SAMD4A: variants seen among roughly 807,000 people sequenced by gnomAD.
SAMD4A encodes sterile alpha motif domain containing 4A, also known as protein Smaug homolog 1.
In SAMD4A, 33 loss-of-function variants were observed where a neutral mutation model predicts 81.3. That is an observed-to-expected ratio of 0.41 (90% CI 0.31 to 0.54). SAMD4A has a LOEUF of 0.54. Ranked by LOEUF, SAMD4A falls within the 20% of genes least tolerant of loss-of-function variation. SAMD4A has a pLI of 0.37. For synonymous variants in SAMD4A, 389 were observed against 382.1 expected (o/e 1.02, Z -0.21); for missense variants, 854 against 951.1 (o/e 0.90, Z 1.34).
intron 2 of SAMD4A, among the ~76,000 whole-genome samples, chr14:54,581,102 A>G (rs961750697): frequency 3.9e-5 from 6 of 152,236 alleles, no homozygotes; most frequent in African/African-American, 1.4e-4. Context: ...TTACCTTGTA[A>G]AAATTATTTA....
intron 2 of SAMD4A, among the ~76,000 whole-genome samples, chr14:54,575,480 C>G (rs1438523817): frequency 6.6e-6 from 1 of 152,166 alleles, no homozygotes; most frequent in African/African-American, 2.4e-5. Context: ...ACATGCAGAG[C>G]AAAGCAAATC....
intron 2 of SAMD4A, among the ~76,000 whole-genome samples, chr14:54,606,351 G>A (rs191720478): frequency 3.7e-4 from 56 of 152,306 alleles, no homozygotes; most frequent in Middle Eastern, 3.4e-3. Context: ...TCACAGATTC[G>A]TATGGCATTG....
intron 8 of SAMD4A, among the ~76,000 whole-genome samples, chr14:54,767,432 C>A (rs1366260690): frequency 1.3e-5 from 2 of 152,234 alleles, no homozygotes; most frequent in African/African-American, 4.8e-5. Flanking sequence ...AATTTTACTT[C>A]TGAGACCAGT....
intron 2 of SAMD4A, among the ~76,000 whole-genome samples, chr14:54,598,674 G>A (rs1401100399): frequency 6.6e-6 from 1 of 152,006 alleles, no homozygotes; most frequent in Non-Finnish European, 1.5e-5. Flanking sequence ...TGGTTTTAAA[G>A]GAAACATAAG....
At chr14:54,704,374 G>A (rs2036799175) in intron 3 of SAMD4A, among the ~76,000 whole-genome samples, 1 of 151,998 alleles carries the variant, frequency 6.6e-6, no homozygotes. Context: ...CTTAAAACTT[G>A]GTCTTTTGTA....
intron 2 of SAMD4A, chr14:54,682,102 G>C: frequency 4.1e-6 from 4 of 971,544 alleles, no homozygotes; most frequent in Non-Finnish European, 4.9e-6. Flanking sequence ...CCGGATCCCT[G>C]TTCTTATCCC....
chr14:54,633,142 T>C (rs2034944330), intron 2 of SAMD4A, among the ~76,000 whole-genome samples: 1 of 152,142 alleles, frequency 6.6e-6, no homozygotes, highest in South Asian at 2.1e-4. Flanking sequence ...CTAACCATAA[T>C]GTATAAGGGT....
chr14:54,680,093 T>G (rs2036094794), intron 2 of SAMD4A, among the ~76,000 whole-genome samples: 1 of 152,220 alleles, frequency 6.6e-6, no homozygotes, highest in Admixed American at 6.5e-5. Flanking sequence ...CCCCCACCAT[T>G]TATTCCCTTG....
At chr14:54,775,168 C>G (rs778341753) in intron 10 of SAMD4A, 33 bp downstream of exon 10, 1 of 1,612,914 alleles carries the variant, frequency 6.2e-7, no homozygotes, top group Non-Finnish European at 8.5e-7. Flanking sequence ...AGGAGGATGG[C>G]CAAGCTCAAG....
chr14:54,633,808 GTTA>G (rs777058807), intron 2 of SAMD4A, among the ~76,000 whole-genome samples: 6 of 152,112 alleles, frequency 3.9e-5, no homozygotes, highest in African/African-American at 1.2e-4. Flanking sequence ...TCATATGGTG[GTTA>G]TGAATATATC....
chr14:54,776,379 G>A (rs2038848661), intron 10 of SAMD4A, 35 bp from the exon 11 acceptor site: 4 of 1,582,452 alleles, frequency 2.5e-6, no homozygotes, highest in Admixed American at 1.8e-5. Context: ...CAGTGGGGCT[G>A]AACTAACAAG....
chr14:54,724,023 AGGAAGGAAG>A (rs1356469534), intron 3 of SAMD4A, among the ~76,000 whole-genome samples: 14 of 98,902 alleles, frequency 1.4e-4, no homozygotes, highest in Admixed American at 5.0e-4. Context: ...GAAGGAAGGA[AGGAAGGAAG>A]GAAGGAAGGA....
chr14:54,651,144 G>T (rs1260990977), intron 2 of SAMD4A, among the ~76,000 whole-genome samples: 1 of 152,278 alleles, frequency 6.6e-6, no homozygotes, highest in East Asian at 1.9e-4. Context: ...GAGCTCAGAT[G>T]ATCCTGAGCT....
At position 54,760,166 on chromosome 14, in the gene SAMD4A, C is replaced by G; in HGVS notation, c.1182C>G (p.Ile394Met). 2 of 1,612,016 alleles carry G rather than the reference C, an allele frequency of 1.2e-6. No individual in the cohort carries two copies. The highest frequency in any genetic ancestry group is 8.5e-7 in the Non-Finnish European group (1 of 1,179,532). ...TTCCTGCTCTCACCGTCCAGGACAT[C>G]ATCGAGGGGGGCAGCCTGCGCATCC... ...QNLLKSLERDIIEGGSLRIPL... is the reference protein window; with the variant it reads ...QNLLKSLERDMIEGGSLRIPL... Residue 394 changes from isoleucine to methionine, a missense_variant, in exon 7 of 13, where the codon ATC (isoleucine) becomes ATG (methionine). By Grantham distance (10) the Ile-to-Met change is conservative (BLOSUM62 1). Transcript: ENST00000554335.
chr14:54,685,824 G>A (rs1369809783), intron 2 of SAMD4A: 5 of 456,720 alleles, frequency 1.1e-5, no homozygotes, highest in South Asian at 1.5e-5. Flanking sequence ...GTATGCATCC[G>A]AAGGGTAACA....
rs559750795 is a variant in SAMD4A, at chr14:54,720,373, A to G, written c.716-16651A>G. Among the ~76,000 whole-genome samples, 4 of 152,206 alleles carry G rather than the reference A, an allele frequency of 2.6e-5. No individual in the cohort carries two copies. The South Asian group carries it at 8.3e-4, about 32-fold the overall frequency. ...CTGTCTCAAATAAGAAGCATTCCTC[A>G]GTTATCTGTTGATTCTTACTTTCCT... On this transcript the variant is annotated intron_variant, in intron 3 of 12. Coordinates refer to ENST00000554335, the MANE Select transcript of SAMD4A (RefSeq NM_015589.6).
At chr14:54,695,803 A>C (rs1386869971) in intron 2 of SAMD4A, among the ~76,000 whole-genome samples, 3 of 152,026 alleles carry the variant, frequency 2.0e-5, no homozygotes, top group Non-Finnish European at 2.9e-5. Context: ...AAATACAAAA[A>C]TTAGCCAGGC....
At chr14:54,782,277 G>A (rs1271693575) in intron 11 of SAMD4A, among the ~76,000 whole-genome samples, 1 of 151,966 alleles carries the variant, frequency 6.6e-6, no homozygotes, top group Admixed American at 6.5e-5. Context: ...GGGGAGCGCT[G>A]GAGAGTAAAC....
intron 2 of SAMD4A, among the ~76,000 whole-genome samples, chr14:54,605,039 A>C (rs1236211646): frequency 6.6e-6 from 1 of 152,208 alleles, no homozygotes; most frequent in Non-Finnish European, 1.5e-5. Context: ...TCTGTCTGAT[A>C]TTGGATTTAA....
Sources: gnomAD v4.1 joint callset for allele counts (sites outside exome capture counted in the v4.1 genomes callset) on GRCh38, gnomAD v4.1.1 for gene constraint, MANE v1.5 for transcripts, NCBI Gene and HGNC (gene_info 2026-07-23, HGNC 2026-07-21) for gene names.